The following FAM171A1 variants were observed in gnomAD, a reference collection of about 807,000 sequenced individuals.
The protein encoded by FAM171A1 is family with sequence similarity 171 member A1.
A neutral mutation model predicts 74.9 loss-of-function variants in FAM171A1; 23 were observed. The observed-to-expected ratio is 0.31, with a 90% CI of 0.22 to 0.44. FAM171A1 has a LOEUF of 0.44. Ranked by LOEUF, FAM171A1 falls within the 20% of genes least tolerant of loss-of-function variation. The pLI, the probability that FAM171A1 is intolerant of heterozygous loss-of-function variation, is 1.00. For missense variants in FAM171A1, 1,162 were observed against 1,159.2 expected, an observed-to-expected ratio of 1.00 and a Z score of -0.03; for synonymous variants, 527 against 505.7, an observed-to-expected ratio of 1.04 and a Z score of -0.57.
At chr10:15,344,694 T>C (rs950825254) in intron 1 of FAM171A1, among the ~76,000 whole-genome samples, 5 of 152,244 alleles carry the variant, frequency 3.3e-5, no homozygotes, top group Admixed American at 6.5e-5. Context: ...TGGTGTCCTG[T>C]ATTATAACTG....
intron 1 of FAM171A1, among the ~76,000 whole-genome samples, chr10:15,325,337 G>A (rs1431672205): frequency 2.0e-5 from 3 of 152,060 alleles, no homozygotes; most frequent in Non-Finnish European, 1.5e-5. Flanking sequence ...GCAAAACCTC[G>A]TCTCTACGAA....
intron 3 of FAM171A1, among the ~76,000 whole-genome samples, chr10:15,264,246 C>T (rs907219901): frequency 1.2e-4 from 18 of 152,118 alleles, no homozygotes; most frequent in East Asian, 3.9e-4. Context: ...CCTCCTAAAG[C>T]GCTGGGATTA....
rs775234345 is a variant in FAM171A1 at position 15,214,479 on chromosome 10, G to C, written c.1109C>G (p.Ala370Gly). ...SHINLLFSRR[A>G]SEFPGPLSVT... ...GGACAGCGGGCCAGGGAATTCTGAC[G>C]CTCGGCGTGAAAACAGCAAGTTAAT... Residue 370 changes from alanine (A) to glycine (G), a missense_variant, in exon 8 of 8, where the codon GCG becomes GGG. By Grantham distance (60) the Ala-to-Gly change is moderately conservative. Coordinates refer to ENST00000378116, the MANE Select transcript of FAM171A1 (RefSeq NM_001010924.2). 14 of 1,614,068 alleles carry C rather than the reference G, an allele frequency of 8.7e-6. No individual in the cohort carries two copies. The Admixed American group carries it at 2.2e-4, about 25-fold the overall frequency.
rs1220830135 is a variant in FAM171A1 at position 15,371,134 on chromosome 10, C to G, written c.-82G>C. The G allele has an allele frequency of 1.9e-6, 1 of 537,700 alleles. No homozygotes were observed. Among genetic ancestry groups the G allele is most frequent in the Non-Finnish European group, 2.4e-6 (1 of 423,716 alleles). The allele number at this position is 537,700 out of a possible 1,614,324, so 33.3% of individuals were successfully genotyped here. On this transcript the variant is annotated 5_prime_UTR_variant, in exon 1 of 8. Coordinates refer to ENST00000378116, the MANE Select transcript of FAM171A1 (RefSeq NM_001010924.2). ...GCGTCACGGGCGGCCGGGCGCCGCG[C>G]CCCCCTCCATGTCGCTGGCTCCGCG...
intron 1 of FAM171A1, among the ~76,000 whole-genome samples, chr10:15,348,123 G>A (rs1350798517): frequency 5.3e-5 from 8 of 151,724 alleles, no homozygotes; most frequent in South Asian, 2.1e-4. Flanking sequence ...GATTACAAGC[G>A]CCTGCCACCA....
intron 1 of FAM171A1, among the ~76,000 whole-genome samples, chr10:15,304,004 CG>C (rs1215369533): frequency 6.6e-6 from 1 of 152,202 alleles, no homozygotes; most frequent in Non-Finnish European, 1.5e-5. Context: ...GACGATTTCC[CG>C]GGGCTGATGG....
chr10:15,334,130 T>A (rs1835673329), intron 1 of FAM171A1, among the ~76,000 whole-genome samples: 1 of 152,220 alleles, frequency 6.6e-6, no homozygotes, highest in East Asian at 1.9e-4. Flanking sequence ...GCTTCATTAT[T>A]CTGGCCTAAG....
chr10:15,331,822 T>G (rs114259147), intron 1 of FAM171A1, among the ~76,000 whole-genome samples: 1,473 of 100,982 alleles, frequency 0.015, 29 homozygotes, highest in African/African-American at 0.047. Context: ...TGTGGGTATA[T>G]ATATGTGTGT....
intron 1 of FAM171A1, among the ~76,000 whole-genome samples, chr10:15,314,510 T>C (rs1439245773): frequency 6.6e-6 from 1 of 152,172 alleles, no homozygotes. Flanking sequence ...TGGCCAACTG[T>C]CCAATACCCC....
At chr10:15,223,485 T>C (rs1588496191) in intron 5 of FAM171A1, among the ~76,000 whole-genome samples, 1 of 152,244 alleles carries the variant, frequency 6.6e-6, no homozygotes, top group East Asian at 1.9e-4. Context: ...GGGTGAGAGC[T>C]GGAAGCAGAG....
At position 15,313,852 on chromosome 10, in the gene FAM171A1, C is replaced by T. The variant is rs564146283; in HGVS notation, c.98-29747G>A. Among the ~76,000 whole-genome samples the T allele has an allele frequency of 3.9e-5, 6 of 152,294 alleles. No homozygotes were observed. The East Asian group carries it at 1.2e-3, about 29-fold the overall frequency. ...AGTGTGTGATCAGAGAAAAGCAAGC[C>T]TCCACCTTCCCCAACCGAGGGTTGA... is the stretch of plus-strand genomic sequence containing the variant. On this transcript the variant is annotated intron_variant, in intron 1 of 7. Transcript: ENST00000378116.
rs927150041 is a variant in FAM171A1, at chr10:15,323,109, C to A, written c.98-39004G>T. Among the ~76,000 whole-genome samples the A allele has an allele frequency of 2.1e-5, 3 of 145,734 alleles. No homozygotes were observed. In the Admixed American group the frequency reaches 2.1e-4, roughly 10 times the overall value. On this transcript the variant is annotated intron_variant, in intron 1 of 7. Coordinates refer to ENST00000378116, the MANE Select transcript of FAM171A1 (RefSeq NM_001010924.2). Reference sequence around the variant, plus strand: ...GGGCTGACATCACACCGCTGCACTCCAGTCTGGGCAACAGAGCAAGACTGT... The same window carrying A: ...GGGCTGACATCACACCGCTGCACTCAAGTCTGGGCAACAGAGCAAGACTGT...
intron 1 of FAM171A1, among the ~76,000 whole-genome samples, chr10:15,311,974 A>G (rs77698609): frequency 0.018 from 2,737 of 152,310 alleles, 37 homozygotes; most frequent in South Asian, 0.026. Flanking sequence ...TTACTGTTAC[A>G]GTGAGGTATG....
chr10:15,353,435 A>G (rs1452092051), intron 1 of FAM171A1, among the ~76,000 whole-genome samples: 3 of 152,196 alleles, frequency 2.0e-5, no homozygotes, highest in African/African-American at 4.8e-5. Flanking sequence ...TGACATAATG[A>G]TAGATTGGCA....
chr10:15,325,983 G>A (rs150718514), intron 1 of FAM171A1, among the ~76,000 whole-genome samples: 4 of 152,258 alleles, frequency 2.6e-5, no homozygotes, highest in East Asian at 1.9e-4. Flanking sequence ...ATTAAACATC[G>A]CTACATCAAA....
intron 1 of FAM171A1, among the ~76,000 whole-genome samples, chr10:15,329,977 T>A (rs921550023): frequency 9.2e-5 from 14 of 152,206 alleles, no homozygotes; most frequent in Admixed American, 3.3e-4. Flanking sequence ...GCATTTAAGA[T>A]AAGCACTTTC....
chr10:15,324,771 A>T (rs992039275), intron 1 of FAM171A1, among the ~76,000 whole-genome samples: 3 of 152,174 alleles, frequency 2.0e-5, no homozygotes, highest in African/African-American at 7.2e-5. Flanking sequence ...GGACAAAAAA[A>T]CCAAACCAAC....
At chr10:15,330,335 T>C (rs1239265429) in intron 1 of FAM171A1, among the ~76,000 whole-genome samples, 1 of 152,270 alleles carries the variant, frequency 6.6e-6, no homozygotes, top group African/African-American at 2.4e-5. Context: ...CAAGACTTTT[T>C]CTGAATTATT....
intron 1 of FAM171A1, among the ~76,000 whole-genome samples, chr10:15,299,497 G>GT (rs45525237): frequency 0.01 from 1,510 of 150,604 alleles, 26 homozygotes; most frequent in African/African-American, 0.033. Flanking sequence ...TGTTTTTTTT[G>GT]TTTTTTTGTC....
Sources: gnomAD v4.1 joint callset for allele counts (sites outside exome capture counted in the v4.1 genomes callset) on GRCh38, gnomAD v4.1.1 for gene constraint, MANE v1.5 for transcripts, NCBI Gene and HGNC (gene_info 2026-07-23, HGNC 2026-07-21) for gene names.